CDON: variants seen among roughly 807,000 people sequenced by gnomAD.
CDON encodes the protein cell adhesion associated, oncogene regulated.
CDON carries 73 observed loss-of-function variants against 120.9 expected under a neutral mutation model. The ratio of observed to expected loss-of-function variants is 0.60; its 90% CI spans 0.50 to 0.73. The LOEUF (loss-of-function observed/expected upper bound fraction) is 0.73. Ranked by LOEUF, CDON falls within the 30% of genes least tolerant of loss-of-function variation. The pLI is 0.00. For synonymous variants in CDON, 566 were observed against 573.5 expected (o/e 0.99, Z 0.19); for missense variants, 1,470 against 1,587.3 (o/e 0.93, Z 1.26).
rs751681498 is a variant in CDON at position 126,005,982 on chromosome 11, C to G, written c.1628G>C (p.Arg543Thr). ...CAGTAACCCAGTTTCTGAACCATCT[C>G]TCTTACTTCTGTCATCATTCTGAGC... ...DAAQNDDRSKRDGSETGLLSS... is the reference protein window; with the variant it reads ...DAAQNDDRSKTDGSETGLLSS... The change falls in exon 9 of 20, where the codon AGA becomes ACA. Residue 543 changes from arginine to threonine, a missense_variant. Physicochemically the swap from Arg to Thr is moderately conservative, Grantham distance 71. Coordinates refer to ENST00000531738, the MANE Select transcript of CDON (RefSeq NM_001378964.1). 1.9e-6 allele frequency: 3 copies of G among 1,614,154 alleles called. No homozygotes were observed. Among genetic ancestry groups the G allele is most frequent in the South Asian group, 1.1e-5 (1 of 91,072 alleles).
In CDON at chr11:126,005,895, C is replaced by T. The variant is rs781732748; in HGVS notation, c.1715G>A (p.Ser572Asn). The change falls in exon 9 of 20, where the codon AGC (serine) becomes AAC (asparagine). Residue 572 changes from serine to asparagine, a missense_variant. Coordinates refer to ENST00000531738, the MANE Select transcript of CDON (RefSeq NM_001378964.1). ...AVESAPEKNASGISVPDAPII... is the reference protein window; with the variant it reads ...AVESAPEKNANGISVPDAPII... ...GGGGGCATCAGGAACAGAGATGCCGCTGGCGTTTTTCTCTGGTGCTGATTC... is the reference window on the plus strand; with the variant it reads ...GGGGGCATCAGGAACAGAGATGCCGTTGGCGTTTTTCTCTGGTGCTGATTC... The T allele has an allele frequency of 3.7e-6, 6 of 1,614,084 alleles. No homozygotes were observed. In the East Asian group the frequency reaches 1.1e-4, roughly 30 times the overall value.
chr11:125,962,577 C>G (rs1241191890), intron 18 of CDON, among the ~76,000 whole-genome samples: 6 of 152,158 alleles, frequency 3.9e-5, no homozygotes, highest in African/African-American at 1.2e-4. Flanking sequence ...AATTTATTAC[C>G]ACTGAGTATT....
intron 1 of CDON, among the ~76,000 whole-genome samples, chr11:126,045,606 T>C (rs1468668768): frequency 6.6e-6 from 1 of 152,144 alleles, no homozygotes; most frequent in African/African-American, 2.4e-5. Flanking sequence ...TTATAAATAA[T>C]TATATGAGAT....
At position 125,966,111 on chromosome 11, in the gene CDON, T is replaced by G. The variant is rs866246025; in HGVS notation, c.3357-4113A>C. ...AAGATCATGCCATTGCACGCCAGCC[T>G]GGGCAAGAAGCGCGAAATTCCATCT... On this transcript the variant is annotated intron_variant, in intron 18 of 19. Coordinates refer to ENST00000531738, the MANE Select transcript of CDON (RefSeq NM_001378964.1). Among the ~76,000 whole-genome samples the G allele has an allele frequency of 9.1e-4, 132 of 145,428 alleles. No homozygotes were observed. The Middle Eastern group carries it at 0.011, about 12-fold the overall frequency.
intron 18 of CDON, among the ~76,000 whole-genome samples, chr11:125,971,256 A>G (rs4937077): frequency 0.29 from 44,033 of 151,464 alleles, 6,433 homozygotes; most frequent in South Asian, 0.31. Context: ...GGTGGCGGGC[A>G]CTTGTAGTCC....
intron 7 of CDON, among the ~76,000 whole-genome samples, chr11:126,011,710 G>A (rs1381198806): frequency 7.2e-5 from 11 of 152,250 alleles, no homozygotes; most frequent in Non-Finnish European, 7.4e-5. Context: ...TTAGGAAGAT[G>A]TTTTCATTTC....
At chr11:126,046,243 A>G (rs1948404817) in intron 1 of CDON, among the ~76,000 whole-genome samples, 1 of 152,202 alleles carries the variant, frequency 6.6e-6, no homozygotes, top group African/African-American at 2.4e-5. Context: ...ATGCTACCCT[A>G]GCCATGAAGA....
chr11:125,998,328 T>C (rs943414036), intron 11 of CDON, among the ~76,000 whole-genome samples: 3 of 152,160 alleles, frequency 2.0e-5, no homozygotes, highest in African/African-American at 4.8e-5. Context: ...GTCTGTGTCA[T>C]GGGGGTGGTT....
chr11:126,058,392 T>C (rs1948724859), intron 1 of CDON, among the ~76,000 whole-genome samples: 1 of 152,220 alleles, frequency 6.6e-6, no homozygotes, highest in Non-Finnish European at 1.5e-5. Flanking sequence ...CTGCAGTGTT[T>C]ACTCCAATTC....
chr11:125,991,058 A>T (rs549899528), intron 14 of CDON, among the ~76,000 whole-genome samples: 72 of 152,250 alleles, frequency 4.7e-4, no homozygotes, highest in Non-Finnish European at 6.9e-4. Context: ...CTACACTATA[A>T]ATATTCTCTT....
intron 6 of CDON, 49 bp downstream of exon 6, chr11:126,017,039 G>T: frequency 6.8e-7 from 1 of 1,479,104 alleles, no homozygotes; most frequent in South Asian, 1.1e-5. Flanking sequence ...GTATCAGTTA[G>T]ACCAGAAAAA....
rs10643446 is a variant in CDON, at chr11:126,050,495, AACACACACACACACAC to A, written c.-62+12068_-62+12083del. On this transcript the variant is annotated intron_variant, in intron 1 of 19. Coordinates refer to ENST00000531738, the MANE Select transcript of CDON (RefSeq NM_001378964.1). ...TCTCATACATTTCCTGTAAGTAGCAAACACACACACACACACACACACACACACACACACACAAACA... is the reference window on the plus strand; with the variant it reads ...TCTCATACATTTCCTGTAAGTAGCAAACACACACACACACACACACAAACA... 2.8e-3 allele frequency among the ~76,000 whole-genome samples: 398 copies of A among 143,102 alleles called. 4 individuals are homozygous for A. The highest frequency in any genetic ancestry group is 0.022 in the Admixed American group (312 of 14,268). 93.9% of individuals were successfully genotyped at this position (143,102 alleles called of 152,430 possible). A position where few individuals can be genotyped will look rare whatever the true frequency, so the allele number is the denominator to read the frequency against.
chr11:126,019,212 T>C (rs1947559186), intron 4 of CDON, among the ~76,000 whole-genome samples: 1 of 152,076 alleles, frequency 6.6e-6, no homozygotes. Context: ...CCTGCATGCA[T>C]GCAGCCGGCA....
intron 3 of CDON, 76 bp from the exon 4 acceptor site, chr11:126,019,841 A>G: frequency 7.5e-7 from 1 of 1,337,382 alleles, no homozygotes; most frequent in Non-Finnish European, 1.1e-6. Flanking sequence ...TTTACAAATT[A>G]GAAACAACAT....
intron 11 of CDON, among the ~76,000 whole-genome samples, chr11:125,998,993 T>C (rs1367062769): frequency 6.6e-6 from 1 of 151,976 alleles, no homozygotes; most frequent in Non-Finnish European, 1.5e-5. Context: ...ACCATACAAA[T>C]ACATACGAAA....
chr11:126,048,307 G>A (rs1591430679), intron 1 of CDON, among the ~76,000 whole-genome samples: 1 of 144,608 alleles, frequency 6.9e-6, no homozygotes. Context: ...GAAAAGAAAT[G>A]GTCTTCTTCA....
chr11:125,966,376 G>C (rs1425349114), intron 18 of CDON, among the ~76,000 whole-genome samples: 1 of 152,140 alleles, frequency 6.6e-6, no homozygotes, highest in Non-Finnish European at 1.5e-5. Flanking sequence ...ATGGGGATAA[G>C]AGCATGCTGG....
intron 1 of CDON, among the ~76,000 whole-genome samples, chr11:126,026,744 T>C (rs570188291): frequency 2.6e-5 from 4 of 152,324 alleles, no homozygotes; most frequent in African/African-American, 9.6e-5. Context: ...GAAAACTTTT[T>C]TGGTTTATTT....
intron 7 of CDON, among the ~76,000 whole-genome samples, chr11:126,013,707 T>C (rs973979556): frequency 2.6e-5 from 4 of 152,160 alleles, no homozygotes; most frequent in Admixed American, 2.6e-4. Flanking sequence ...CCCAAAGATG[T>C]GTCCATTTTC....
Sources: allele counts gnomAD v4.1 joint callset (sites outside exome capture counted in the v4.1 genomes callset), GRCh38; gene constraint gnomAD v4.1.1; transcripts MANE v1.5; gene names NCBI Gene and HGNC (gene_info 2026-07-23, HGNC 2026-07-21).